Variants in LRRC4C observed in about 807,000 individuals in gnomAD.
LRRC4C encodes leucine rich repeat containing 4C.
LRRC4C carries 5 observed loss-of-function variants against 33.6 expected under a neutral mutation model. That is an observed-to-expected ratio of 0.15 (90% CI 0.08 to 0.31). The LOEUF is 0.31. LRRC4C is among the 10% of genes least tolerant of loss of function. The pLI, the probability that LRRC4C is intolerant of heterozygous loss-of-function variation, is 1.00. For synonymous variants in LRRC4C, 329 were observed against 302.0 expected (o/e 1.09, Z -0.93); for missense variants, 560 against 796.7 (o/e 0.70, Z 3.58).
chr11:40,501,103 G>A (rs549229315), intron 3 of LRRC4C, among the ~76,000 whole-genome samples: 1 of 149,990 alleles, frequency 6.7e-6, no homozygotes, highest in South Asian at 2.1e-4. Context: ...GATCTCCTTT[G>A]ATTTCATGTC....
At chr11:40,320,398 G>T (rs1409837862) in intron 3 of LRRC4C, among the ~76,000 whole-genome samples, 1 of 152,052 alleles carries the variant, frequency 6.6e-6, no homozygotes, top group Admixed American at 6.5e-5. Flanking sequence ...CCAGCTGCTC[G>T]GGAGGCTGAG....
At chr11:40,984,374 AGAAAGAAAG>A (rs2137143008) in intron 1 of LRRC4C, among the ~76,000 whole-genome samples, 2 of 77,564 alleles carry the variant, frequency 2.6e-5, no homozygotes, top group African/African-American at 9.5e-5. Flanking sequence ...AAAGAAAGAA[AGAAAGAAAG>A]AAAGAAAGAA....
At chr11:41,407,059 G>A (rs2138171889) in intron 1 of LRRC4C, among the ~76,000 whole-genome samples, 1 of 152,202 alleles carries the variant, frequency 6.6e-6, no homozygotes, top group African/African-American at 2.4e-5. Flanking sequence ...CAATCAATCA[G>A]TAATTATTAA....
At chr11:40,509,510 AT>A (rs1011271752) in intron 3 of LRRC4C, among the ~76,000 whole-genome samples, 9 of 150,120 alleles carry the variant, frequency 6.0e-5, no homozygotes, top group Non-Finnish European at 8.9e-5. Flanking sequence ...TTATTTATTT[AT>A]TTTTTTTTGC....
At chr11:41,257,625 C>T (rs182466995) in intron 1 of LRRC4C, among the ~76,000 whole-genome samples, 1 of 152,050 alleles carries the variant, frequency 6.6e-6, no homozygotes, top group Non-Finnish European at 1.5e-5. Flanking sequence ...CCATTTCCTG[C>T]CAATGGGCAT....
At chr11:41,432,194 G>A (rs527636402) in intron 1 of LRRC4C, among the ~76,000 whole-genome samples, 147 of 152,272 alleles carry the variant, frequency 9.7e-4, no homozygotes, top group Non-Finnish European at 1.7e-3. Flanking sequence ...CCATCTATGG[G>A]TATTGCTTCA....
rs1176256261 is a variant in LRRC4C, at chr11:41,379,350, A to T, written c.-496+80081T>A. On this transcript the variant is annotated intron_variant, in intron 1 of 6. Transcript: ENST00000528697. ...TCTTCCTGTAGAGTTCTCTATTCAC[A>T]TTTACTGTTAGTACAATCACAGAGT... Among the ~76,000 whole-genome samples, 6 of 152,236 alleles carry T rather than the reference A, an allele frequency of 3.9e-5. No individual in the cohort carries two copies. In the South Asian group the frequency reaches 1.0e-3, roughly 26 times the overall value.
chr11:40,218,702 T>TCTATCTAA (rs1458548689), intron 5 of LRRC4C, among the ~76,000 whole-genome samples: 2 of 145,978 alleles, frequency 1.4e-5, no homozygotes, highest in Non-Finnish European at 1.5e-5. Flanking sequence ...AATCTATCTA[T>TCTATCTAA]CTATCTATCT....
At chr11:41,339,783 C>T (rs1951571429) in intron 1 of LRRC4C, among the ~76,000 whole-genome samples, 1 of 152,168 alleles carries the variant, frequency 6.6e-6, no homozygotes, top group South Asian at 2.1e-4. Context: ...CTCTTCCCTA[C>T]AGAAATCTTG....
intron 2 of LRRC4C, among the ~76,000 whole-genome samples, chr11:40,801,284 T>C (rs1951031423): frequency 6.6e-6 from 1 of 152,182 alleles, no homozygotes; most frequent in African/African-American, 2.4e-5. Flanking sequence ...TGGGTATATT[T>C]GCCATTCCCT....
intron 2 of LRRC4C, among the ~76,000 whole-genome samples, chr11:40,920,059 C>G (rs7105812): frequency 0.09 from 13,695 of 152,124 alleles, 867 homozygotes; most frequent in African/African-American, 0.17. Flanking sequence ...GTCATTAACT[C>G]ATGATGCAAT....
At chr11:40,643,563 C>T (rs1039755885) in intron 3 of LRRC4C, among the ~76,000 whole-genome samples, 1 of 152,152 alleles carries the variant, frequency 6.6e-6, no homozygotes, top group African/African-American at 2.4e-5. Context: ...TCAAACTAGG[C>T]TTAGAGGAGA....
At chr11:40,485,436 C>A (rs1267979964) in intron 3 of LRRC4C, among the ~76,000 whole-genome samples, 2 of 151,822 alleles carry the variant, frequency 1.3e-5, no homozygotes, top group African/African-American at 2.4e-5. Context: ...TGGCAAAGTT[C>A]TTTCTAAGAC....
At chr11:40,750,518 G>C (rs767748355) in intron 2 of LRRC4C, among the ~76,000 whole-genome samples, 1 of 151,900 alleles carries the variant, frequency 6.6e-6, no homozygotes, top group Non-Finnish European at 1.5e-5. Flanking sequence ...CATGGATGAA[G>C]CTGGAAACCA....
At chr11:40,508,829 T>G (rs538252220) in intron 3 of LRRC4C, among the ~76,000 whole-genome samples, 1 of 152,312 alleles carries the variant, frequency 6.6e-6, no homozygotes, top group Admixed American at 6.5e-5. Context: ...GTTCAACTGT[T>G]GGCTTAAAGC....
chr11:41,193,077 C>T (rs1478927937), intron 1 of LRRC4C, among the ~76,000 whole-genome samples: 1 of 151,908 alleles, frequency 6.6e-6, no homozygotes, highest in Admixed American at 6.6e-5. Context: ...TGAGGACTGC[C>T]CTTATCTATA....
At chr11:41,382,200 T>A (rs1953182244) in intron 1 of LRRC4C, among the ~76,000 whole-genome samples, 1 of 151,848 alleles carries the variant, frequency 6.6e-6, no homozygotes, top group Admixed American at 6.6e-5. Context: ...AATCAGAAGA[T>A]CTTAAAAGCT....
At chr11:40,320,908 A>G (rs1054605127) in intron 3 of LRRC4C, among the ~76,000 whole-genome samples, 1 of 152,216 alleles carries the variant, frequency 6.6e-6, no homozygotes, top group African/African-American at 2.4e-5. Flanking sequence ...TCTCTCGAGC[A>G]TGAGTTATTT....
chr11:40,498,628 T>C (rs1244339876), intron 3 of LRRC4C, among the ~76,000 whole-genome samples: 1 of 152,216 alleles, frequency 6.6e-6, no homozygotes, highest in Admixed American at 6.5e-5. Context: ...TAAAATGTGA[T>C]AATTGCTACT....
Sources: gnomAD v4.1 joint callset for allele counts (sites outside exome capture counted in the v4.1 genomes callset) on GRCh38, gnomAD v4.1.1 for gene constraint, MANE v1.5 for transcripts, NCBI Gene and HGNC (gene_info 2026-07-23, HGNC 2026-07-21) for gene names.